The following UIMC1 variants were observed in gnomAD, a reference collection of about 807,000 sequenced individuals.
UIMC1 encodes BRCA1-A complex subunit RAP80.
In UIMC1, 42 loss-of-function variants were observed where a neutral mutation model predicts 84.9. The observed-to-expected ratio is 0.49, with a 90% CI of 0.39 to 0.64. The LOEUF is 0.64. Among genes scored for constraint, UIMC1 ranks in the 30% least tolerant of loss-of-function variants. The probability of loss-of-function intolerance (pLI) is 0.00; values close to 1 mark genes in which losing one functional copy is unlikely to be tolerated. For synonymous variants in UIMC1, 281 were observed against 293.0 expected, an observed-to-expected ratio of 0.96 and a Z score of 0.42; for missense variants, 825 against 847.6, an observed-to-expected ratio of 0.97 and a Z score of 0.33.
intron 9 of UIMC1, among the ~76,000 whole-genome samples, chr5:176,950,055 C>T (rs1012642052): frequency 4.1e-5 from 6 of 145,792 alleles, no homozygotes; most frequent in African/African-American, 7.7e-5. Context: ...GACTTTGTCT[C>T]GAGGAGAAAA....
intron 10 of UIMC1, among the ~76,000 whole-genome samples, chr5:176,924,963 A>G (rs1762198404): frequency 1.3e-5 from 2 of 151,030 alleles, no homozygotes; most frequent in Admixed American, 1.3e-4. Context: ...CCTGAGAGGC[A>G]GAGGCTGCAA....
rs1347528933 is a variant in UIMC1, at chr5:176,982,598, T to A, written c.18A>T (p.Lys6Asn). The A allele has an allele frequency of 3.1e-6, 5 of 1,613,738 alleles. No homozygotes were observed. Among genetic ancestry groups the A allele is most frequent in the Non-Finnish European group, 4.2e-6 (5 of 1,179,978 alleles). MPRRK[K>N]KVKEVSESRN... ...GAGATTCGGAGACTTCTTTAACTTT[T>A]TTCTTTCTCCGTGGCATCCTTTTGT... The change falls in exon 2 of 15, where the codon AAA (lysine) becomes AAT (asparagine). Residue 6 changes from lysine (K) to asparagine (N), a missense_variant. Lys to Asn is a moderately conservative substitution (Grantham distance 94, BLOSUM62 0). Coordinates refer to ENST00000511320, the MANE Select transcript of UIMC1 (RefSeq NM_001199298.2).
At chr5:176,919,162 G>T in intron 10 of UIMC1, 1 of 400,688 alleles carries the variant, frequency 2.5e-6, no homozygotes, top group South Asian at 1.8e-5. Context: ...TGATTCAATG[G>T]CAAGTACCTG....
intron 1 of UIMC1, among the ~76,000 whole-genome samples, chr5:176,999,304 T>C (rs1029254237): frequency 6.6e-6 from 1 of 152,204 alleles, no homozygotes. Context: ...TAGGTGCATA[T>C]ATTTATGGGA....
At chr5:176,990,877 G>A (rs528962461) in intron 1 of UIMC1, among the ~76,000 whole-genome samples, 42 of 152,026 alleles carry the variant, frequency 2.8e-4, no homozygotes, top group Middle Eastern at 3.4e-3. Flanking sequence ...TTGCTGTGTT[G>A]CCCAGGCTGG....
chr5:176,914,069 T>TACCATACCATACCACACCAC (rs1343483368), intron 10 of UIMC1, among the ~76,000 whole-genome samples: 1 of 144,418 alleles, frequency 6.9e-6, no homozygotes, highest in African/African-American at 2.9e-5. Flanking sequence ...TACCATACCA[T>TACCATACCATACCACACCAC]ACCACACCAC....
intron 10 of UIMC1, among the ~76,000 whole-genome samples, chr5:176,935,314 TTC>T (rs1485822569): frequency 6.6e-6 from 1 of 152,226 alleles, no homozygotes; most frequent in African/African-American, 2.4e-5. Flanking sequence ...TAGCCTACCG[TTC>T]TCTTACATTA....
intron 9 of UIMC1, 141 bp from the exon 10 acceptor site, chr5:176,943,629 G>T: frequency 9.6e-7 from 1 of 1,045,620 alleles, no homozygotes; most frequent in Non-Finnish European, 1.4e-6. Flanking sequence ...TAAAGATTGA[G>T]AGATACTACT....
At chr5:176,981,485 C>T (rs1771045949) in intron 2 of UIMC1, among the ~76,000 whole-genome samples, 1 of 152,090 alleles carries the variant, frequency 6.6e-6, no homozygotes, top group Non-Finnish European at 1.5e-5. Flanking sequence ...TAAAGAAATG[C>T]TCAATCTTGC....
In UIMC1 at chr5:176,968,941, C is replaced by T; in HGVS notation, c.814G>A (p.Gly272Ser). The change falls in exon 6 of 15, where the codon GGC (glycine) becomes AGC (serine). Residue 272 changes from glycine to serine, a missense_variant. By Grantham distance (56) the Gly-to-Ser change is moderately conservative. Coordinates refer to ENST00000511320, the MANE Select transcript of UIMC1 (RefSeq NM_001199298.2). ...ADAKGLQDTGGTVNYFWGIPF... is the reference protein window; with the variant it reads ...ADAKGLQDTGSTVNYFWGIPF... ...ATACCCCAGAAATAGTTCACAGTGCCCCCAGTGTCCTGGAGACCTTTGGCA... is the reference window on the plus strand; with the variant it reads ...ATACCCCAGAAATAGTTCACAGTGCTCCCAGTGTCCTGGAGACCTTTGGCA... 6.2e-7 allele frequency: 1 copy of T among 1,614,164 alleles called. No homozygotes were observed. Among genetic ancestry groups the T allele is most frequent in the Non-Finnish European group, 8.5e-7 (1 of 1,180,026 alleles).
chr5:176,906,261 A>T, intron 13 of UIMC1: 1 of 534,826 alleles, frequency 1.9e-6, no homozygotes, highest in South Asian at 2.5e-5. Flanking sequence ...TTGAATGAAC[A>T]ACCTCTGAAT....
At chr5:176,927,490 G>A (rs1762523259) in intron 10 of UIMC1, among the ~76,000 whole-genome samples, 1 of 152,050 alleles carries the variant, frequency 6.6e-6, no homozygotes, top group African/African-American at 2.4e-5. Flanking sequence ...CTGACCGCAA[G>A]TGATTCACCC....
chr5:176,939,268 A>G (rs1019294547), intron 10 of UIMC1, among the ~76,000 whole-genome samples: 1 of 151,614 alleles, frequency 6.6e-6, no homozygotes, highest in Admixed American at 6.6e-5. Context: ...AAAAAAAAAA[A>G]AAAAGAAAAA....
intron 2 of UIMC1, chr5:176,980,149 C>G (rs1337850573): frequency 1.3e-5 from 2 of 152,288 alleles, no homozygotes; most frequent in Admixed American, 1.3e-4. Flanking sequence ...CAGACTTCCA[C>G]TGAGCCATAC....
intron 1 of UIMC1, among the ~76,000 whole-genome samples, chr5:176,999,343 A>C (rs939471181): frequency 7.2e-5 from 11 of 152,326 alleles, no homozygotes; most frequent in African/African-American, 2.4e-4. Context: ...ACAGGTACAC[A>C]ATATGTAATA....
intron 13 of UIMC1, chr5:176,906,270 A>G: frequency 2.0e-6 from 1 of 510,928 alleles, no homozygotes. Flanking sequence ...CAACCTCTGA[A>G]TAAATCTACT....
At chr5:176,945,881 A>T (rs1219610941) in intron 9 of UIMC1, among the ~76,000 whole-genome samples, 1 of 152,202 alleles carries the variant, frequency 6.6e-6, no homozygotes. Flanking sequence ...TTATGGAAAG[A>T]TTGTGTTTCT....
At chr5:176,974,541 T>A (rs1425725074) in intron 3 of UIMC1, among the ~76,000 whole-genome samples, 1 of 152,204 alleles carries the variant, frequency 6.6e-6, no homozygotes, top group East Asian at 1.9e-4. Context: ...ATGGACCACA[T>A]CAAAGTTTAA....
At chr5:176,970,430 T>C (rs953566000) in intron 4 of UIMC1, 2 of 386,848 alleles carry the variant, frequency 5.2e-6, no homozygotes, top group Non-Finnish European at 9.7e-6. Context: ...AGTTAGCATC[T>C]TATCTTGCTG....
Sources: allele counts gnomAD v4.1 joint callset (sites outside exome capture counted in the v4.1 genomes callset), GRCh38; gene constraint gnomAD v4.1.1; transcripts MANE v1.5; gene names NCBI Gene and HGNC (gene_info 2026-07-23, HGNC 2026-07-21).